Variants in C9orf78 observed in about 807,000 individuals in gnomAD.
The protein encoded by C9orf78 is chromosome 9 open reading frame 78, also known as splicing factor C9orf78.
In C9orf78, 19 loss-of-function variants were observed where a neutral mutation model predicts 37.4. That is an observed-to-expected ratio of 0.51 (90% CI 0.35 to 0.74). The LOEUF is 0.74. Ranked by LOEUF, C9orf78 falls within the 30% of genes least tolerant of loss-of-function variation. C9orf78 has a pLI of 0.01. For synonymous variants in C9orf78, 130 were observed against 128.0 expected, an observed-to-expected ratio of 1.02 and a Z score of -0.10; for missense variants, 291 against 370.8, an observed-to-expected ratio of 0.78 and a Z score of 1.77.
chr9:129,833,917 GT>G, intron 2 of C9orf78: 1 of 574,596 alleles, frequency 1.7e-6, no homozygotes, highest in Non-Finnish European at 3.1e-6. Context: ...TGCGCTGGTG[GT>G]GAAGTGGTAC....
At chr9:129,829,379 G>GC in intron 7 of C9orf78, 26 bp downstream of exon 7, 1 of 1,611,100 alleles carries the variant, frequency 6.2e-7, no homozygotes, top group Non-Finnish European at 8.5e-7. Flanking sequence ...GGGAATGGGG[G>GC]CAAGACTGCT....
intron 2 of C9orf78, 49 bp downstream of exon 2, chr9:129,834,658 T>C (rs1356279846): frequency 1.5e-6 from 2 of 1,330,392 alleles, no homozygotes; most frequent in Admixed American, 1.7e-5. Context: ...CGGACGCGGA[T>C]GTGTCTGTCG....
chr9:129,831,616 G>A, intron 5 of C9orf78: 2 of 331,058 alleles, frequency 6.0e-6, no homozygotes, highest in Non-Finnish European at 1.1e-5. Context: ...TAGGGACGGG[G>A]TTTCTCCATG....
intron 6 of C9orf78, 128 bp downstream of exon 6, chr9:129,830,743 C>T: frequency 1.4e-6 from 1 of 692,060 alleles, no homozygotes; most frequent in Non-Finnish European, 2.6e-6. Context: ...AACTCCTGAC[C>T]TCGTGATCCA....
chr9:129,831,229 AAAG>A (rs903830417), intron 5 of C9orf78, among the ~76,000 whole-genome samples, 161 bp from the exon 6 acceptor site: 1 of 152,204 alleles, frequency 6.6e-6, no homozygotes, highest in Non-Finnish European at 1.5e-5. Context: ...GAAATTTTCT[AAAG>A]AAGCACCAAC....
intron 4 of C9orf78, among the ~76,000 whole-genome samples, chr9:129,833,101 A>ATTT (rs2031552881): frequency 8.0e-6 from 1 of 124,336 alleles, no homozygotes; most frequent in Non-Finnish European, 1.8e-5. Context: ...ATACATACAC[A>ATTT]CTTTTTTTTT....
chr9:129,833,450 T>C lies in C9orf78; in HGVS notation c.263A>G (p.Asp88Gly). 1.9e-6 allele frequency: 3 copies of C among 1,583,882 alleles called. No homozygotes were observed. Among genetic ancestry groups the C allele is most frequent in the South Asian group, 1.1e-5 (1 of 90,436 alleles). ...TCTAAGCTTGTCCTGAACTTACTTA[T>C]CTTTGCCCCTTTCCTTCAGTTTCTT... ...DMKKLKERGK[D>G]KISEEEDLHL... The change falls in exon 4 of 9, where the codon GAT becomes GGT. Residue 88 changes from aspartate (D) to glycine (G), a missense_variant. Physicochemically the swap from Asp to Gly is moderately conservative, Grantham distance 94 (BLOSUM62 -1). Around this residue, in one of 3 missense-constraint regions of C9orf78, gnomAD observed 158 missense variants for 174.8 expected, o/e 0.90. Coordinates refer to ENST00000372447, the MANE Select transcript of C9orf78 (RefSeq NM_016520.3).
At chr9:129,828,391 C>T (rs1425216869) in intron 8 of C9orf78, 139 bp from the exon 9 acceptor site, 1 of 612,808 alleles carries the variant, frequency 1.6e-6, no homozygotes, top group African/African-American at 1.9e-5. Context: ...ACAGTAGGGC[C>T]TCAGTAGATA....
chr9:129,833,746 G>A, intron 2 of C9orf78, 37 bp from the exon 3 acceptor site: 1 of 1,500,670 alleles, frequency 6.7e-7, no homozygotes, highest in Non-Finnish European at 9.2e-7. Context: ...GGGGGAGAGA[G>A]AGAAATGGCA....
chr9:129,829,787 C>A (rs993678636), intron 6 of C9orf78: 1 of 414,540 alleles, frequency 2.4e-6, no homozygotes, highest in Non-Finnish European at 4.3e-6. Context: ...ATGCTTAAGG[C>A]TCAAAGTTTG....
In C9orf78 at chr9:129,829,254, G is replaced by A; in HGVS notation, c.729C>T (p.Pro243=). The A allele has an allele frequency of 1.9e-6, 3 of 1,612,740 alleles. No homozygotes were observed. The highest frequency in any genetic ancestry group is 1.1e-5 in the South Asian group (1 of 90,996). ...CACCTACTCTCAAGGGCCGGGCCTT[G>A]GGCTCTTCTTTGTTTCTCCGTATGG... ...NAPIRRNKEE[P]KARPLRVGDT... Residue 243 remains proline, a synonymous_variant, in exon 8 of 9, where the codon CCC becomes CCT. Coordinates refer to ENST00000372447, the MANE Select transcript of C9orf78 (RefSeq NM_016520.3).
At chr9:129,831,200 G>A in intron 5 of C9orf78, 132 bp from the exon 6 acceptor site, 2 of 660,502 alleles carry the variant, frequency 3.0e-6, no homozygotes, top group East Asian at 2.6e-5. Flanking sequence ...AAAATAACTT[G>A]AGTTTTTTCA....
At chr9:129,831,633 A>C (rs1564188138) in intron 5 of C9orf78, 1 of 370,900 alleles carries the variant, frequency 2.7e-6, no homozygotes, top group Admixed American at 4.1e-5. Context: ...CATGTTGGTC[A>C]GTCTGGTCTC....
intron 5 of C9orf78, 94 bp downstream of exon 5, chr9:129,831,802 G>T: frequency 3.9e-6 from 3 of 767,666 alleles, no homozygotes; most frequent in Admixed American, 1.8e-5. Context: ...ACATCTTCTA[G>T]AAAATTCTAG....
At chr9:129,832,997 A>ATGTGTG (rs759388385) in intron 4 of C9orf78, among the ~76,000 whole-genome samples, 2 of 108,100 alleles carry the variant, frequency 1.9e-5, no homozygotes, top group East Asian at 2.9e-4. Flanking sequence ...ATATATATAT[A>ATGTGTG]TGTGTGTGTG....
At chr9:129,833,809 G>C in intron 2 of C9orf78, 100 bp from the exon 3 acceptor site, 1 of 788,440 alleles carries the variant, frequency 1.3e-6, no homozygotes, top group Non-Finnish European at 2.1e-6. Flanking sequence ...CAACATTAGT[G>C]CAAGGGTGGG....
Position 129,835,252 on chromosome 9 carries a change from C to A in C9orf78, c.-31G>T, listed in dbSNP as rs747158880. 1 of 1,541,578 alleles carries A rather than the reference C, an allele frequency of 6.5e-7. No individual in the cohort carries two copies. Among genetic ancestry groups the A allele is most frequent in the Non-Finnish European group, 8.9e-7 (1 of 1,126,454 alleles). On this transcript the variant is annotated 5_prime_UTR_variant, in exon 1 of 9. Transcript: ENST00000372447. ...CAACGGCCGAGTTGTACAGCCGCCG[C>A]GCCTCTGCGCAGCGGCCCAGGCTGC...
At chr9:129,831,720 G>A (rs951719103) in intron 5 of C9orf78, 176 bp downstream of exon 5, 16 of 582,330 alleles carry the variant, frequency 2.7e-5, no homozygotes, top group African/African-American at 1.3e-4. Context: ...TACCGTGCCC[G>A]GCCTGAAAAG....
Position 129,834,782 on chromosome 9 carries a change from G to A in C9orf78, c.84-16C>T. The A allele has an allele frequency of 3.1e-6, 5 of 1,597,508 alleles. No homozygotes were observed. The highest frequency in any genetic ancestry group is 4.3e-6 in the Non-Finnish European group (5 of 1,166,452). On this transcript the variant is annotated splice_polypyrimidine_tract_variant and intron_variant, in intron 1 of 8. Transcript: ENST00000372447. ...CAGTTTTAATCTTTAAAAAGAAGAA[G>A]AAGCAGCAATGCATAAGCTGAGTGA...
Sources: gnomAD v4.1 joint callset for allele counts (sites outside exome capture counted in the v4.1 genomes callset) on GRCh38, gnomAD v4.1.1 for gene constraint, gnomAD v4.1.1 regional missense constraint, MANE v1.5 for transcripts, NCBI Gene and HGNC (gene_info 2026-07-23, HGNC 2026-07-21) for gene names.